CCDC88A: variants seen among roughly 807,000 people sequenced by gnomAD.
CCDC88A encodes coiled-coil and HOOK domain protein 88A.
A neutral mutation model predicts 234.3 loss-of-function variants in CCDC88A; 54 were observed. The ratio of observed to expected loss-of-function variants is 0.23; its 90% CI spans 0.19 to 0.29. The LOEUF (loss-of-function observed/expected upper bound fraction) is 0.29. Ranked by LOEUF, CCDC88A falls within the 10% of genes least tolerant of loss-of-function variation. The pLI, the probability that CCDC88A is intolerant of heterozygous loss-of-function variation, is 1.00. For synonymous variants in CCDC88A, 753 were observed against 737.8 expected, an observed-to-expected ratio of 1.02 and a Z score of -0.33; for missense variants, 1,832 against 2,123.4, an observed-to-expected ratio of 0.86 and a Z score of 2.70.
At chr2:55,344,202 A>C (rs1668831810) in intron 11 of CCDC88A, 166 bp downstream of exon 11, 2 of 418,672 alleles carry the variant, frequency 4.8e-6, no homozygotes, top group Non-Finnish European at 8.3e-6. Context: ...AGAAATTTCT[A>C]CTACTTTTAT....
At chr2:55,362,533 G>T in intron 6 of CCDC88A, 85 bp from the exon 7 acceptor site, 2 of 1,113,928 alleles carry the variant, frequency 1.8e-6, no homozygotes, top group Non-Finnish European at 2.5e-6. Context: ...ATTAGCCCAA[G>T]TATTATATAA....
At position 55,309,449 on chromosome 2, in the gene CCDC88A, T is replaced by C. The variant is rs1398087505; in HGVS notation, c.4080-195A>G. 7.3e-6 allele frequency among the ~76,000 whole-genome samples: 1 copy of C among 137,590 alleles called. No homozygotes were observed. Among genetic ancestry groups the C allele is most frequent in the Non-Finnish European group, 1.7e-5 (1 of 59,174 alleles). The allele number at this position is 137,590 out of a possible 152,430, so 90.3% of individuals were successfully genotyped here. On this transcript the variant is annotated intron_variant, in intron 23 of 32. Transcript: ENST00000436346. The surrounding 1 kb of genome is among the most constrained non-coding windows in gnomAD (Gnocchi z 5.1). Reference sequence around the variant, plus strand: ...GTTTCTCCTTTTTTAAAAATTTACATTTTTTTTTCCTTTTTGGAAGAAAGG... The same window carrying C: ...GTTTCTCCTTTTTTAAAAATTTACACTTTTTTTTCCTTTTTGGAAGAAAGG...
At position 55,343,098 on chromosome 2, in the gene CCDC88A, T is replaced by C. The variant is rs190285211; in HGVS notation, c.1333+550A>G. Among the ~76,000 whole-genome samples the C allele has an allele frequency of 1.3e-3, 198 of 152,214 alleles. 1 individual carries two copies. In the Middle Eastern group the frequency reaches 0.02, roughly 16 times the overall value. ...AGCCCAGGAAAAGAGAGCCAAAAGT[T>C]AAAAATTTACCTGGGGGATCTTACA... On this transcript the variant is annotated intron_variant, in intron 12 of 32. Coordinates refer to ENST00000436346, the MANE Select transcript of CCDC88A (RefSeq NM_001365480.1).
chr2:55,343,252 T>G (rs1470626569), intron 12 of CCDC88A, among the ~76,000 whole-genome samples: 3 of 152,118 alleles, frequency 2.0e-5, no homozygotes, highest in African/African-American at 7.2e-5. Context: ...CTCTGAAAAT[T>G]TGCCCATTAT....
chr2:55,313,500 T>C (rs1040157077), intron 22 of CCDC88A: 1 of 152,218 alleles, frequency 6.6e-6, no homozygotes, highest in Non-Finnish European at 1.5e-5. Flanking sequence ...GCCAGCAGCA[T>C]TGGGCCTTTT....
At position 55,328,262 on chromosome 2, in the gene CCDC88A, T is replaced by A. The variant is rs199912954; in HGVS notation, c.2997+32A>T. 6.9e-7 allele frequency: 1 copy of A among 1,459,300 alleles called. No individual in the cohort carries two copies. Among genetic ancestry groups the A allele is most frequent in the Admixed American group, 2.2e-5 (1 of 45,342 alleles). 90.4% of individuals were successfully genotyped at this position (1,459,300 alleles called of 1,614,324 possible). On this transcript the variant is annotated intron_variant, in intron 17 of 32. Coordinates refer to ENST00000436346, the MANE Select transcript of CCDC88A (RefSeq NM_001365480.1). This position sits in a 1 kb window ranked among gnomAD's most constrained non-coding sequence, Gnocchi z 4.3. ...GTCCAAATATTTATATAATAAATGA[T>A]CCTTAAAATTCTTTCCAAGAAAATC...
At chr2:55,417,572 A>G (rs768516954) in intron 2 of CCDC88A, 53 of 152,016 alleles carry the variant, frequency 3.5e-4, no homozygotes, top group Non-Finnish European at 6.6e-4. Flanking sequence ...AAATAAATAT[A>G]TACATATTTA....
chr2:55,297,283 TA>T (rs1204380474), intron 29 of CCDC88A: 30 of 22,770 alleles, frequency 1.3e-3, no homozygotes, highest in Admixed American at 2.6e-3. Flanking sequence ...ATATTATATA[TA>T]ATATATATAA....
intron 31 of CCDC88A, 160 bp from the exon 32 acceptor site, chr2:55,291,935 A>C: frequency 2.0e-6 from 1 of 495,430 alleles, no homozygotes; most frequent in Non-Finnish European, 3.6e-6. Flanking sequence ...TTAAAGATCG[A>C]TTTTTATATT....
chr2:55,334,353 T>A lies in CCDC88A; in HGVS notation c.2468A>T (p.Glu823Val). The change falls in exon 15 of 33, where the codon GAG becomes GTG. Residue 823 changes from glutamate to valine, a missense_variant. By Grantham distance (121) the Glu-to-Val change is moderately radical. Around this residue, in one of 6 missense-constraint regions of CCDC88A, gnomAD observed 1,282 missense variants for 1,543.6 expected, o/e 0.83. Transcript: ENST00000436346. The surrounding 1 kb of genome is among the most constrained non-coding windows in gnomAD (Gnocchi z 6.1). Reference sequence around the variant, plus strand: ...CTTATCCTTTTCCAGTTGAGAAGTCTCTTGCTCTAATGATTTATTTTCTTT... The same window carrying A: ...CTTATCCTTTTCCAGTTGAGAAGTCACTTGCTCTAATGATTTATTTTCTTT... ...LEKENKSLEQ[E>V]TSQLEKDKKQ... 6.4e-7 allele frequency: 1 copy of A among 1,553,696 alleles called. No individual in the cohort carries two copies.
In CCDC88A at chr2:55,328,252, T is replaced by C. The variant is rs1290941319; in HGVS notation, c.2997+42A>G. 1.5e-5 allele frequency: 20 copies of C among 1,371,538 alleles called. No individual in the cohort carries two copies. Among genetic ancestry groups the C allele is most frequent in the African/African-American group, 4.5e-5 (3 of 67,278 alleles). 85.0% of individuals were successfully genotyped at this position (1,371,538 alleles called of 1,614,324 possible). On this transcript the variant is annotated intron_variant, in intron 17 of 32. Transcript: ENST00000436346. This position sits in a 1 kb window ranked among gnomAD's most constrained non-coding sequence, Gnocchi z 4.3. ...ATATTTTTCTGTCCAAATATTTATA[T>C]AATAAATGATCCTTAAAATTCTTTC... is the stretch of plus-strand genomic sequence containing the variant.
At chr2:55,302,932 C>G in intron 26 of CCDC88A, 137 bp downstream of exon 26, 1 of 601,822 alleles carries the variant, frequency 1.7e-6, no homozygotes, top group South Asian at 2.2e-5. Context: ...AAAAATTCTT[C>G]TAGCTCCTTA....
chr2:55,383,537 C>T (rs541779958), intron 3 of CCDC88A, among the ~76,000 whole-genome samples: 63 of 151,400 alleles, frequency 4.2e-4, no homozygotes, highest in Non-Finnish European at 6.6e-4. Flanking sequence ...GCAGGAGAAT[C>T]GCTTGAACCC....
At chr2:55,401,392 C>T (rs1422197390) in intron 2 of CCDC88A, among the ~76,000 whole-genome samples, 1 of 142,858 alleles carries the variant, frequency 7.0e-6, no homozygotes, top group Non-Finnish European at 1.5e-5. Flanking sequence ...TATGATCTCA[C>T]CACTGCATTC....
At chr2:55,360,925 C>G (rs950612290) in intron 7 of CCDC88A, among the ~76,000 whole-genome samples, 2 of 152,138 alleles carry the variant, frequency 1.3e-5, no homozygotes, top group African/African-American at 4.8e-5. Context: ...CCTGTCTCTA[C>G]TGAAAATACA....
chr2:55,393,289 G>GTTTTTTTT lies in CCDC88A; in HGVS notation c.165-4411_165-4404dup, dbSNP rs558827055. Among the ~76,000 whole-genome samples the GTTTTTTTT allele has an allele frequency of 1.3e-3, 82 of 61,678 alleles. 7 individuals carry two copies. The highest frequency in any genetic ancestry group is 2.8e-3 in the East Asian group (5 of 1,774). The allele number at this position is 61,678 out of a possible 152,430, so 40.5% of individuals were successfully genotyped here. ...TAGAGTTTTGATTTTGGTTTTTTGG[G>GTTTTTTTT]TTTTTTTTTTTTTTTTTTTTTTTGC... On this transcript the variant is annotated intron_variant, in intron 2 of 32. Transcript: ENST00000436346.
At chr2:55,292,899 G>C (rs1340869103) in intron 31 of CCDC88A, 2 of 152,034 alleles carry the variant, frequency 1.3e-5, no homozygotes, top group Non-Finnish European at 2.9e-5. Context: ...GTTTTGGGGG[G>C]AATTTTATGA....
chr2:55,336,800 C>T lies in CCDC88A; in HGVS notation c.1537G>A (p.Glu513Lys). The change falls in exon 14 of 33, where the codon GAG becomes AAG. Residue 513 changes from glutamate (E) to lysine (K), a missense_variant. Transcript: ENST00000436346. ...AGACTTTGCTTTTCTTGAACAATCT[C>T]ATTTTCAAGAATCTCAACCTAGAGA... is the stretch of plus-strand genomic sequence containing the variant. Reference protein sequence around the residue: ...LSKKVEILENEIVQEKQSLQN... With the variant: ...LSKKVEILENKIVQEKQSLQN... 6.4e-7 allele frequency: 1 copy of T among 1,560,446 alleles called. No individual in the cohort carries two copies.
At chr2:55,293,307 C>A (rs1014249172) in intron 31 of CCDC88A, among the ~76,000 whole-genome samples, 1 of 151,988 alleles carries the variant, frequency 6.6e-6, no homozygotes, top group Admixed American at 6.6e-5. Flanking sequence ...GCTATGTTTA[C>A]TATTAAGTTT....
Sources: gnomAD v4.1 joint callset for allele counts (sites outside exome capture counted in the v4.1 genomes callset) on GRCh38, gnomAD v4.1.1 for gene constraint, gnomAD v4.1.1 regional missense constraint, Gnocchi (gnomAD v3.1) non-coding constraint, MANE v1.5 for transcripts, NCBI Gene and HGNC (gene_info 2026-07-23, HGNC 2026-07-21) for gene names.